The following TFRC variants were observed in gnomAD, a reference collection of about 807,000 sequenced individuals.
The protein encoded by TFRC is transferrin receptor.
Under a neutral mutation model 85.8 loss-of-function variants are expected in TFRC, and 35 were observed. That is an observed-to-expected ratio of 0.41 (90% CI 0.31 to 0.54). TFRC has a LOEUF of 0.54. Ranked by LOEUF, TFRC falls within the 20% of genes least tolerant of loss-of-function variation. TFRC has a pLI of 0.31. For missense variants in TFRC, 828 were observed against 921.5 expected (o/e 0.90, Z 1.31); for synonymous variants, 362 against 328.6 (o/e 1.10, Z -1.10).
At chr3:196,052,237 A>G in intron 18 of TFRC, 53 bp from the exon 19 acceptor site, 1 of 1,570,898 alleles carries the variant, frequency 6.4e-7, no homozygotes, top group Non-Finnish European at 8.7e-7. Flanking sequence ...TTTTGTAGTA[A>G]AACAACAGTT....
chr3:196,051,392 C>T lies in TFRC; in HGVS notation c.*550G>A, dbSNP rs1018712801. 2 of 218,398 alleles carry T rather than the reference C, an allele frequency of 9.2e-6. No individual in the cohort carries two copies. The highest frequency in any genetic ancestry group is 4.5e-5 in the African/African-American group (2 of 44,582). The allele number at this position is 218,398 out of a possible 1,614,324, so 13.5% of individuals were successfully genotyped here. On this transcript the variant is annotated 3_prime_UTR_variant, in exon 19 of 19. Coordinates refer to ENST00000360110, the MANE Select transcript of TFRC (RefSeq NM_001128148.3). ...TCATTTTATCCAGCAGAAGGACCTC[C>T]ATTTCAGACCTCATTGGCAAGAAAA...
At chr3:196,066,362 G>C (rs1488753084) in intron 9 of TFRC, among the ~76,000 whole-genome samples, 1 of 152,108 alleles carries the variant, frequency 6.6e-6, no homozygotes, top group African/African-American at 2.4e-5. Flanking sequence ...GAAGGCCGAG[G>C]CAGAATTCCT....
chr3:196,061,136 T>C (rs1717248536), intron 13 of TFRC, among the ~76,000 whole-genome samples: 2 of 152,234 alleles, frequency 1.3e-5, no homozygotes, highest in South Asian at 4.1e-4. Context: ...CCATTCCTGT[T>C]GAATGTACAG....
intron 9 of TFRC, 69 bp downstream of exon 9, chr3:196,067,449 C>A: frequency 6.9e-7 from 1 of 1,452,664 alleles, no homozygotes; most frequent in Non-Finnish European, 9.3e-7. Context: ...ACATTTTAAT[C>A]AACATATTAC....
Position 196,073,958 on chromosome 3 carries a change from C to T in TFRC, c.406G>A (p.Asp136Asn). 1 of 1,614,074 alleles carries T rather than the reference C, an allele frequency of 6.2e-7. No homozygotes were observed. Among genetic ancestry groups the T allele is most frequent in the Middle Eastern group, 1.7e-4 (1 of 6,060 alleles). The change falls in exon 4 of 19, where the codon GAC becomes AAC. Residue 136 changes from aspartate (D) to asparagine (N), a missense_variant. Physicochemically the swap from Asp to Asn is conservative, Grantham distance 23. Transcript: ENST00000360110. Reference protein sequence around the residue: ...DLKRKLSEKLDSTDFTGTIKL... With the variant: ...DLKRKLSEKLNSTDFTGTIKL... ...ATGGTGCCGGTGAAGTCTGTGCTGT[C>T]CAGTTTCTCCGACAACTTTCTCTTC... is the stretch of plus-strand genomic sequence containing the variant.
chr3:196,052,055 C>T lies in TFRC; in HGVS notation c.2170G>A (p.Gly724Ser), dbSNP rs536971550. 82 of 1,614,110 alleles carry T rather than the reference C, an allele frequency of 5.1e-5. No individual in the cohort carries two copies. The highest frequency in any genetic ancestry group is 2.1e-4 in the South Asian group (19 of 91,080). The change falls in exon 19 of 19, where the codon GGT becomes AGT. Residue 724 changes from glycine (G) to serine (S), a missense_variant. Gly to Ser is a moderately conservative substitution (Grantham distance 56, BLOSUM62 0). Transcript: ENST00000360110. ...ENLKLRKQNN[G>S]AFNETLFRNQ... ...CTGAACAGCGTTTCATTAAAAGCAC[C>T]GTTATTTTGTTTACGCAGTTTCAAG...
chr3:196,074,006 G>C lies in TFRC; in HGVS notation c.358C>G (p.Arg120Gly). ...EEPGEDFPAA[R>G]RLYWDDLKRK... The stretch of plus-strand genomic sequence containing the variant: ...TTCAGGTCATCCCAATATAAGCGAC[G>C]TGCTGCAGGGAAGTCCTCTCCTGGC... The change falls in exon 4 of 19, where the codon CGT becomes GGT. Residue 120 changes from arginine to glycine, a missense_variant. Coordinates refer to ENST00000360110, the MANE Select transcript of TFRC (RefSeq NM_001128148.3). 6.2e-7 allele frequency: 1 copy of C among 1,614,136 alleles called. No homozygotes were observed. Among genetic ancestry groups the C allele is most frequent in the South Asian group, 1.1e-5 (1 of 91,078 alleles).
chr3:196,065,379 T>C, intron 10 of TFRC, 64 bp downstream of exon 10: 2 of 978,594 alleles, frequency 2.0e-6, no homozygotes, highest in Non-Finnish European at 2.8e-6. Flanking sequence ...TCTAGCCACA[T>C]CCTTAGGAAC....
rs531645185 is a variant in TFRC, at chr3:196,074,914, G to A, written c.238+245C>T. 1.4e-3 allele frequency among the ~76,000 whole-genome samples: 203 copies of A among 150,028 alleles called. 2 individuals carry two copies. The Middle Eastern group carries it at 0.014, about 10-fold the overall frequency. ...AAAAAAAAATTAGCCAGGTGTGGTC[G>A]TGGGCGCCTATAGTCCCAGCTACTC... On this transcript the variant is annotated intron_variant, in intron 3 of 18. Transcript: ENST00000360110.
At position 196,053,687 on chromosome 3, in the gene TFRC, A is replaced by C. The variant is rs528280352; in HGVS notation, c.1900-129T>G. 9 of 1,139,294 alleles carry C rather than the reference A, an allele frequency of 7.9e-6. 1 individual carries two copies. The East Asian group carries it at 2.2e-4, about 28-fold the overall frequency. The allele number at this position is 1,139,294 out of a possible 1,614,324, so 70.6% of individuals were successfully genotyped here. On this transcript the variant is annotated intron_variant, in intron 17 of 18. Coordinates refer to ENST00000360110, the MANE Select transcript of TFRC (RefSeq NM_001128148.3). Reference sequence around the variant, plus strand: ...CTCGCAGATAAGCTCAAGACTCCGAAAGCACCTTGCACAGGGGTTCCAAGC... The same window carrying C: ...CTCGCAGATAAGCTCAAGACTCCGACAGCACCTTGCACAGGGGTTCCAAGC...
chr3:196,070,596 C>T (rs1718107612), intron 6 of TFRC, among the ~76,000 whole-genome samples: 1 of 151,648 alleles, frequency 6.6e-6, no homozygotes, highest in South Asian at 2.1e-4. Flanking sequence ...TCTATCTGTT[C>T]TCTATTTCTG....
chr3:196,066,810 T>C (rs1577237420), intron 9 of TFRC, among the ~76,000 whole-genome samples: 1 of 152,316 alleles, frequency 6.6e-6, no homozygotes, highest in South Asian at 2.1e-4. Context: ...ATATTTTCAC[T>C]ATCCAATTAT....
In TFRC at chr3:196,075,240, T is replaced by C. The variant is rs1473065630; in HGVS notation, c.157A>G (p.Lys53Glu). The change falls in exon 3 of 19, where the codon AAG (lysine) becomes GAG (glutamate). Residue 53 changes from lysine (K) to glutamate (E), a missense_variant. Lys to Glu is a moderately conservative substitution (Grantham distance 56). Transcript: ENST00000360110. The stretch of plus-strand genomic sequence containing the variant: ...CTTTTTGGTTTTGTGACATTGGCCT[T>C]TGTGTTATTGTCAGCATTTTCTTCT... ...DEEENADNNT[K>E]ANVTKPKRCS... The C allele has an allele frequency of 1.2e-6, 2 of 1,614,060 alleles. No individual in the cohort carries two copies. Among genetic ancestry groups the C allele is most frequent in the South Asian group, 2.2e-5 (2 of 91,072 alleles).
chr3:196,054,933 C>T (rs1716645328), intron 17 of TFRC, 147 bp downstream of exon 17: 3 of 809,314 alleles, frequency 3.7e-6, no homozygotes, highest in Admixed American at 4.6e-5. Flanking sequence ...AAACAAGTTA[C>T]CAATTCTACA....
intron 10 of TFRC, 42 bp downstream of exon 10, chr3:196,065,401 C>CAAAA: frequency 9.8e-7 from 1 of 1,025,410 alleles, no homozygotes; most frequent in Non-Finnish European, 1.3e-6. Flanking sequence ...GAAAAGAAAA[C>CAAAA]AAAAAAAAAG....
rs774465618 is a variant in TFRC at position 196,053,550 on chromosome 3, G to T, written c.1908C>A (p.Gly636=). 1 of 1,614,034 alleles carries T rather than the reference G, an allele frequency of 6.2e-7. No individual in the cohort carries two copies. Among genetic ancestry groups the T allele is most frequent in the East Asian group, 2.2e-5 (1 of 44,872 alleles). Residue 636 remains glycine (G), a synonymous_variant, in exon 18 of 19, where the codon GGC becomes GGA. Coordinates refer to ENST00000360110, the MANE Select transcript of TFRC (RefSeq NM_001128148.3). ...NQYRADIKEM[G]LSLQWLYSAR... ...CAGAATACAGCCACTGTAAACTCAG[G>T]CCCATTTCCTGAAACAGACATTATT... is the stretch of plus-strand genomic sequence containing the variant.
intron 6 of TFRC, 134 bp downstream of exon 6, chr3:196,071,262 T>C: frequency 1.5e-6 from 1 of 679,476 alleles, no homozygotes; most frequent in East Asian, 2.8e-5. Flanking sequence ...ACTGTGTCAT[T>C]AGAGGGTTGA....
rs55639089 is a variant in TFRC, at chr3:196,065,417, CGGGGGGGG to C, written c.1198+18_1198+25del. 1.0e-4 allele frequency: 38 copies of C among 372,034 alleles called. 6 individuals are homozygous for C. Among genetic ancestry groups the C allele is most frequent in the Admixed American group, 1.5e-4 (1 of 6,780 alleles). The allele number at this position is 372,034 out of a possible 1,614,324, so 23.0% of individuals were successfully genotyped here. On this transcript the variant is annotated intron_variant, in intron 10 of 18. Transcript: ENST00000360110. ...AAAAGAAAACAAAAAAAAAGCGGGG[CGGGGGGGG>C]GGGGGGGCGGTCTTTACCTGGTTCT...
chr3:196,075,209 C>T lies in TFRC; in HGVS notation c.188G>A (p.Ser63Asn), dbSNP rs1670954469. 1.2e-6 allele frequency: 2 copies of T among 1,614,094 alleles called. No homozygotes were observed. The highest frequency in any genetic ancestry group is 1.7e-5 in the Admixed American group (1 of 59,984). ...AATAGTCCCATAGCAGATACTTCCA[C>T]TACACCTTTTTGGTTTTGTGACATT... ...KANVTKPKRCSGSICYGTIAV... is the reference protein window; with the variant it reads ...KANVTKPKRCNGSICYGTIAV... The change falls in exon 3 of 19, where the codon AGT (serine) becomes AAT (asparagine). Residue 63 changes from serine (S) to asparagine (N), a missense_variant. By Grantham distance (46) the Ser-to-Asn change is conservative (BLOSUM62 1). Transcript: ENST00000360110.
Sources: allele counts gnomAD v4.1 joint callset (sites outside exome capture counted in the v4.1 genomes callset), GRCh38; gene constraint gnomAD v4.1.1; transcripts MANE v1.5; gene names NCBI Gene and HGNC (gene_info 2026-07-23, HGNC 2026-07-21).